The following MAP3K2 variants were observed in gnomAD, a reference collection of about 807,000 sequenced individuals.
The protein encoded by MAP3K2 is mitogen-activated protein kinase kinase kinase 2.
Under a neutral mutation model 80.3 loss-of-function variants are expected in MAP3K2, and 24 were observed. That is an observed-to-expected ratio of 0.30 (90% CI 0.22 to 0.42). The LOEUF is 0.42. Among genes scored for constraint, MAP3K2 ranks in the 10% least tolerant of loss-of-function variants. The pLI, the probability that MAP3K2 is intolerant of heterozygous loss-of-function variation, is 1.00. For missense variants in MAP3K2, 608 were observed against 750.1 expected (o/e 0.81, Z 2.21); for synonymous variants, 244 against 253.7 (o/e 0.96, Z 0.36).
chr2:127,338,758 C>A (rs1201749027), intron 3 of MAP3K2, among the ~76,000 whole-genome samples, 174 bp downstream of exon 3: 3 of 152,146 alleles, frequency 2.0e-5, no homozygotes. Flanking sequence ...GTTGATTCCA[C>A]GTCTTTGCTA....
At chr2:127,336,879 G>C (rs1380897589) in intron 4 of MAP3K2, among the ~76,000 whole-genome samples, 1 of 152,168 alleles carries the variant, frequency 6.6e-6, no homozygotes, top group East Asian at 1.9e-4. Flanking sequence ...CGTGGGTCAC[G>C]CCTGTAATCC....
chr2:127,338,853 A>G, intron 3 of MAP3K2, 79 bp downstream of exon 3: 3 of 931,228 alleles, frequency 3.2e-6, no homozygotes, highest in Non-Finnish European at 4.9e-6. Flanking sequence ...TAAAAGCTGA[A>G]CACATTAAAC....
At chr2:127,320,415 G>A (rs956057386) in intron 12 of MAP3K2, among the ~76,000 whole-genome samples, 1 of 152,066 alleles carries the variant, frequency 6.6e-6, no homozygotes, top group Non-Finnish European at 1.5e-5. Context: ...CCTGAAAATA[G>A]ATCAATGGTG....
At chr2:127,366,595 T>C (rs1425627141) in intron 1 of MAP3K2, among the ~76,000 whole-genome samples, 1 of 152,142 alleles carries the variant, frequency 6.6e-6, no homozygotes, top group African/African-American at 2.4e-5. Flanking sequence ...ATAATCATTT[T>C]GGGCTTATCC....
chr2:127,312,068 G>A (rs1685817317), intron 15 of MAP3K2, among the ~76,000 whole-genome samples: 1 of 152,064 alleles, frequency 6.6e-6, no homozygotes, highest in South Asian at 2.1e-4. Context: ...TCAATTTCTG[G>A]GGGACTGAGG....
chr2:127,317,753 T>C lies in MAP3K2; in HGVS notation c.1202A>G (p.Asn401Ser). 1 of 1,600,396 alleles carries C rather than the reference T, an allele frequency of 6.2e-7. No homozygotes were observed. Among genetic ancestry groups the C allele is most frequent in the South Asian group, 1.1e-5 (1 of 88,396 alleles). Residue 401 changes from asparagine to serine, a missense_variant, in exon 14 of 17, where the codon AAT becomes AGT. Transcript: ENST00000682094. ...PDSPETSKEV[N>S]ALECEIQLLK... ...CAACTGAATTTCACACTCAAGTGCA[T>C]TTACTTCCTGAAAGAGAGAATTCAT...
rs546754250 is a variant in MAP3K2, at chr2:127,371,678, G to GC, written c.-66+15773dup. ...TGAAACACACAAAGCCAAAATATTG[G>GC]CTATGGCATTAAGGCCTCCTAAAGT... On this transcript the variant is annotated intron_variant, in intron 1 of 16. Transcript: ENST00000682094. Among the ~76,000 whole-genome samples, 16 of 152,270 alleles carry GC rather than the reference G, an allele frequency of 1.1e-4. No homozygotes were observed. The East Asian group carries it at 3.1e-3, about 29-fold the overall frequency.
chr2:127,340,900 G>A (rs901805739), intron 2 of MAP3K2, among the ~76,000 whole-genome samples: 8 of 152,028 alleles, frequency 5.3e-5, no homozygotes, highest in African/African-American at 1.7e-4. Flanking sequence ...AATTTTATAT[G>A]CTTAATATTA....
intron 2 of MAP3K2, among the ~76,000 whole-genome samples, chr2:127,341,447 C>T (rs1686485265): frequency 6.7e-6 from 1 of 150,008 alleles, no homozygotes; most frequent in African/African-American, 2.5e-5. Context: ...ACTTGGCGGG[C>T]TTGAAGAATT....
At position 127,333,371 on chromosome 2, in the gene MAP3K2, T is replaced by G. The variant is rs1573989106; in HGVS notation, c.264+2499A>C. On this transcript the variant is annotated intron_variant, in intron 5 of 16. Transcript: ENST00000682094. ...CTCAGCTTATATTTCCAGCTTAAAT[T>G]TCCTTAACGTTTCAATTCTAGCCAA... is the stretch of plus-strand genomic sequence containing the variant. Among the ~76,000 whole-genome samples, 8 of 152,156 alleles carry G rather than the reference T, an allele frequency of 5.3e-5. 2 individuals are homozygous for G. The South Asian group carries it at 1.7e-3, about 32-fold the overall frequency.
At chr2:127,378,439 C>A (rs544792930) in intron 1 of MAP3K2, among the ~76,000 whole-genome samples, 1 of 152,322 alleles carries the variant, frequency 6.6e-6, no homozygotes, top group African/African-American at 2.4e-5. Context: ...GTGAAGCTTA[C>A]TTTTTATCAA....
In MAP3K2 at chr2:127,340,807, C is replaced by G. The variant is rs542280736; in HGVS notation, c.5-1757G>C. Among the ~76,000 whole-genome samples the G allele has an allele frequency of 2.6e-5, 4 of 152,194 alleles. No homozygotes were observed. The East Asian group carries it at 7.7e-4, about 29-fold the overall frequency. ...TCCTGGGCTCAAGCGATCCTCCCAC[C>G]TTGGCCTCCCAAAGTGGGAACTTAA... On this transcript the variant is annotated intron_variant, in intron 2 of 16. Transcript: ENST00000682094.
chr2:127,316,048 C>A (rs1685896415), intron 14 of MAP3K2, among the ~76,000 whole-genome samples: 1 of 151,562 alleles, frequency 6.6e-6, no homozygotes, highest in Non-Finnish European at 1.5e-5. Context: ...GCACTCCAGT[C>A]TAGGCAACAA....
rs149264379 is a variant in MAP3K2 at position 127,320,309 on chromosome 2, T to C, written c.1045+1737A>G. On this transcript the variant is annotated intron_variant, in intron 12 of 16. Coordinates refer to ENST00000682094, the MANE Select transcript of MAP3K2 (RefSeq NM_001371910.2). Reference sequence around the variant, plus strand: ...ATGGAAACTACAGGAATGAGTCACATGAAAATGCATGAAATGAAAAACAAT... The same window carrying C: ...ATGGAAACTACAGGAATGAGTCACACGAAAATGCATGAAATGAAAAACAAT... Among the ~76,000 whole-genome samples, 540 of 152,198 alleles carry C rather than the reference T, an allele frequency of 3.5e-3. 2 individuals are homozygous for C. Among genetic ancestry groups the C allele is most frequent in the Non-Finnish European group, 6.5e-3 (439 of 68,016 alleles).
chr2:127,340,805 A>T (rs1434351734), intron 2 of MAP3K2, among the ~76,000 whole-genome samples: 2 of 151,924 alleles, frequency 1.3e-5, no homozygotes, highest in Non-Finnish European at 2.9e-5. Flanking sequence ...CGATCCTCCC[A>T]CCTTGGCCTC....
chr2:127,384,068 T>C (rs530482324), intron 1 of MAP3K2, among the ~76,000 whole-genome samples: 247 of 151,946 alleles, frequency 1.6e-3, no homozygotes, highest in African/African-American at 5.8e-3. Flanking sequence ...TTGTTTGTTT[T>C]GTATTTTTAG....
intron 2 of MAP3K2, among the ~76,000 whole-genome samples, chr2:127,342,634 G>A (rs557205579): frequency 1.3e-5 from 2 of 151,766 alleles, no homozygotes; most frequent in East Asian, 3.9e-4. Context: ...GCCTCATGCT[G>A]GAACCCTTAA....
In MAP3K2 at chr2:127,300,374, T is replaced by C. The variant is rs1685567838; in HGVS notation, c.*7205A>G. Reference sequence around the variant, plus strand: ...CAGCATTCAACTGAGATTAAAAACATTTAGAGAGAAACCAATAGGTTAAAT... The same window carrying C: ...CAGCATTCAACTGAGATTAAAAACACTTAGAGAGAAACCAATAGGTTAAAT... On this transcript the variant is annotated 3_prime_UTR_variant, in exon 17 of 17. Transcript: ENST00000682094. The C allele has an allele frequency of 6.6e-6, 1 of 152,122 alleles. No homozygotes were observed. The highest frequency in any genetic ancestry group is 1.5e-5 in the Non-Finnish European group (1 of 67,962). The allele number at this position is 152,122 out of a possible 1,614,324, so 9.4% of individuals were successfully genotyped here.
At chr2:127,319,504 T>C (rs937082709) in intron 12 of MAP3K2, among the ~76,000 whole-genome samples, 58 of 151,560 alleles carry the variant, frequency 3.8e-4, no homozygotes, top group African/African-American at 1.4e-3. Flanking sequence ...CTCTGAGAAG[T>C]AGGCACAAAA....
Sources: gnomAD v4.1 joint callset for allele counts (sites outside exome capture counted in the v4.1 genomes callset) on GRCh38, gnomAD v4.1.1 for gene constraint, MANE v1.5 for transcripts, NCBI Gene and HGNC (gene_info 2026-07-23, HGNC 2026-07-21) for gene names.